Variants in SETBP1 observed in about 807,000 individuals in gnomAD.
The protein encoded by SETBP1 is SET-binding protein.
A neutral mutation model predicts 101.0 loss-of-function variants in SETBP1; 9 were observed. The ratio of observed to expected loss-of-function variants is 0.09; its 90% CI spans 0.05 to 0.16. The LOEUF is 0.16. SETBP1 is among the 10% of genes least tolerant of loss of function. The probability of loss-of-function intolerance (pLI) is 1.00; values close to 1 mark genes in which losing one functional copy is unlikely to be tolerated. For synonymous variants in SETBP1, 818 were observed against 788.5 expected, an observed-to-expected ratio of 1.04 and a Z score of -0.63; for missense variants, 1,858 against 2,033.8, an observed-to-expected ratio of 0.91 and a Z score of 1.66.
intron 2 of SETBP1, among the ~76,000 whole-genome samples, chr18:44,818,813 G>A (rs1205093870): frequency 6.6e-6 from 1 of 151,184 alleles, no homozygotes; most frequent in African/African-American, 2.4e-5. Context: ...ATATTTAGCG[G>A]TTAACCAGTG....
chr18:44,924,021 C>G (rs1406008506), intron 3 of SETBP1, among the ~76,000 whole-genome samples: 3 of 151,864 alleles, frequency 2.0e-5, no homozygotes, highest in Non-Finnish European at 2.9e-5. Context: ...TTTTTTTTTC[C>G]TTCTCTTGCC....
At chr18:44,740,143 A>G (rs951081162) in intron 2 of SETBP1, among the ~76,000 whole-genome samples, 5 of 152,110 alleles carry the variant, frequency 3.3e-5, no homozygotes, top group Admixed American at 6.5e-5. Flanking sequence ...ATTATTCTAG[A>G]GCGGGCATTG....
intron 4 of SETBP1, among the ~76,000 whole-genome samples, chr18:45,011,513 C>T (rs1275273551): frequency 6.6e-6 from 1 of 152,200 alleles, no homozygotes; most frequent in Non-Finnish European, 1.5e-5. Context: ...CAGAGTCTCA[C>T]TAGGAAAAAA....
At chr18:44,699,311 C>T (rs569294399) in intron 1 of SETBP1, among the ~76,000 whole-genome samples, 4 of 152,282 alleles carry the variant, frequency 2.6e-5, no homozygotes, top group South Asian at 2.1e-4. Flanking sequence ...GAAAGACCTA[C>T]TGGATTCTTA....
chr18:44,950,646 G>A lies in SETBP1; in HGVS notation c.1306G>A (p.Ala436Thr). The A allele has an allele frequency of 6.2e-7, 1 of 1,614,144 alleles. No individual in the cohort carries two copies. The change falls in exon 4 of 6, where the codon GCC (alanine) becomes ACC (threonine). Residue 436 changes from alanine (A) to threonine (T), a missense_variant. Physicochemically the swap from Ala to Thr is moderately conservative, Grantham distance 58 (BLOSUM62 0). Around this residue, in one of 12 missense-constraint regions of SETBP1, gnomAD observed 581 missense variants for 535.1 expected, o/e 1.09. Transcript: ENST00000649279. The part of the protein sequence containing the change: ...AVVEKIMPEK[A>T]LASGITMSSE... ...GGTGGAAAAGATCATGCCAGAGAAAGCCTTGGCTTCTGGAATCACCATGAG... is the reference window on the plus strand; with the variant it reads ...GGTGGAAAAGATCATGCCAGAGAAAACCTTGGCTTCTGGAATCACCATGAG...
chr18:44,932,210 A>T (rs2070852743), intron 3 of SETBP1, among the ~76,000 whole-genome samples: 1 of 152,098 alleles, frequency 6.6e-6, no homozygotes, highest in African/African-American at 2.4e-5. Context: ...CTTAGTTTGG[A>T]TGGATATGAA....
chr18:44,987,656 C>T (rs1483068572), intron 4 of SETBP1: 2 of 152,114 alleles, frequency 1.3e-5, no homozygotes, highest in African/African-American at 4.8e-5. Flanking sequence ...TCAGAGGTTT[C>T]TCAGCAATGA....
chr18:44,939,930 C>A lies in SETBP1; in HGVS notation c.541-9951C>A, dbSNP rs539818886. Among the ~76,000 whole-genome samples, 3 of 152,284 alleles carry A rather than the reference C, an allele frequency of 2.0e-5. No homozygotes were observed. The East Asian group carries it at 5.8e-4, about 29-fold the overall frequency. On this transcript the variant is annotated intron_variant, in intron 3 of 5. Transcript: ENST00000649279. ...AAGTTGGTTGATAGTACAGATGAAA[C>A]CTCTGGTGGGTTTTTTCTGATTTTT...
intron 2 of SETBP1, among the ~76,000 whole-genome samples, chr18:44,817,155 G>A (rs182606561): frequency 1.8e-4 from 27 of 152,312 alleles, no homozygotes; most frequent in Admixed American, 9.8e-4. Flanking sequence ...AGGGTAGAAC[G>A]AAGAGCATTT....
intron 2 of SETBP1, among the ~76,000 whole-genome samples, chr18:44,802,892 T>C (rs917920155): frequency 3.9e-5 from 6 of 152,122 alleles, no homozygotes; most frequent in African/African-American, 1.4e-4. Context: ...TTTTTGTTTG[T>C]TTTTTGTTTT....
In SETBP1 at chr18:44,953,158, C is replaced by T. The variant is rs958733748; in HGVS notation, c.3818C>T (p.Thr1273Met). The T allele has an allele frequency of 1.7e-5, 27 of 1,613,874 alleles. No homozygotes were observed. The highest frequency in any genetic ancestry group is 1.9e-5 in the Non-Finnish European group (22 of 1,179,980). The change falls in exon 4 of 6, where the codon ACG becomes ATG. Residue 1273 changes from threonine (T) to methionine (M), a missense_variant. Around this residue, in one of 12 missense-constraint regions of SETBP1, gnomAD observed 417 missense variants for 389.1 expected, o/e 1.07. Coordinates refer to ENST00000649279, the MANE Select transcript of SETBP1 (RefSeq NM_015559.3). ...GGCAGTGGCGGGGATGGTGGCAGCA[C>T]GAGATCAGAGAACCTGGACGTGTTC... Reference protein sequence around the residue: ...YSGSGGDGGSTRSENLDVFSE... With the variant: ...YSGSGGDGGSMRSENLDVFSE...
At position 44,951,627 on chromosome 18, in the gene SETBP1, T is replaced by C; in HGVS notation, c.2287T>C (p.Ser763Pro). The C allele has an allele frequency of 6.2e-7, 1 of 1,614,146 alleles. No individual in the cohort carries two copies. The highest frequency in any genetic ancestry group is 8.5e-7 in the Non-Finnish European group (1 of 1,180,022). ...SSQPDVPAVP[S>P]NFQSLVASSP... ...CCAGCCGGATGTTCCAGCCGTGCCTTCCAACTTTCAGTCACTTGTGGCGTC... is the reference window on the plus strand; with the variant it reads ...CCAGCCGGATGTTCCAGCCGTGCCTCCCAACTTTCAGTCACTTGTGGCGTC... The change falls in exon 4 of 6, where the codon TCC (serine) becomes CCC (proline). Residue 763 changes from serine (S) to proline (P), a missense_variant. By Grantham distance (74) the Ser-to-Pro change is moderately conservative. Around this residue, in one of 12 missense-constraint regions of SETBP1, gnomAD observed 121 missense variants for 138.0 expected, o/e 0.88. Coordinates refer to ENST00000649279, the MANE Select transcript of SETBP1 (RefSeq NM_015559.3). The surrounding 1 kb of genome is among the most constrained non-coding windows in gnomAD (Gnocchi z 7.8).
chr18:44,994,715 G>A (rs528382634), intron 4 of SETBP1, among the ~76,000 whole-genome samples: 1 of 152,204 alleles, frequency 6.6e-6, no homozygotes, highest in African/African-American at 2.4e-5. Context: ...CCAAGAAAAT[G>A]AATGAGTCAC....
chr18:44,946,318 A>C (rs1017954121), intron 3 of SETBP1, among the ~76,000 whole-genome samples: 2 of 152,202 alleles, frequency 1.3e-5, no homozygotes, highest in Admixed American at 6.5e-5. Flanking sequence ...AGCACTAGGG[A>C]CTGGGCATGC....
chr18:44,817,983 A>G (rs2072019972), intron 2 of SETBP1, among the ~76,000 whole-genome samples: 1 of 152,222 alleles, frequency 6.6e-6, no homozygotes, highest in Middle Eastern at 3.2e-3. Flanking sequence ...GTTTTGCTAT[A>G]TAATTGACTT....
At position 45,063,781 on chromosome 18, in the gene SETBP1, C is replaced by A. The variant is rs182854123; in HGVS notation, c.*83C>A. The A allele has an allele frequency of 7.6e-6, 11 of 1,456,214 alleles. No individual in the cohort carries two copies. The highest frequency in any genetic ancestry group is 2.9e-5 in the African/African-American group (2 of 69,836). The allele number at this position is 1,456,214 out of a possible 1,614,324, so 90.2% of individuals were successfully genotyped here. A position where few individuals can be genotyped will look rare whatever the true frequency, so the allele number is the denominator to read the frequency against. Reference sequence around the variant, plus strand: ...GAGCCGGGGCGGGGGCGGAATCCCCCGCTGCAGGGACACCCACGCCCTTCT... The same window carrying A: ...GAGCCGGGGCGGGGGCGGAATCCCCAGCTGCAGGGACACCCACGCCCTTCT... On this transcript the variant is annotated 3_prime_UTR_variant, in exon 6 of 6. Coordinates refer to ENST00000649279, the MANE Select transcript of SETBP1 (RefSeq NM_015559.3).
intron 4 of SETBP1, among the ~76,000 whole-genome samples, chr18:44,991,447 T>C (rs956610192): frequency 2.6e-5 from 4 of 151,652 alleles, no homozygotes; most frequent in Non-Finnish European, 4.4e-5. Context: ...GGTATGAAAA[T>C]AGATAAATAG....
intron 3 of SETBP1, among the ~76,000 whole-genome samples, chr18:44,935,022 A>G (rs1031644073): frequency 6.6e-6 from 1 of 152,200 alleles, no homozygotes; most frequent in Non-Finnish European, 1.5e-5. Flanking sequence ...ATGGGAAGCC[A>G]TCAGGACATG....
chr18:44,908,499 G>A (rs371380667), intron 3 of SETBP1, among the ~76,000 whole-genome samples: 1 of 152,062 alleles, frequency 6.6e-6, no homozygotes, highest in Non-Finnish European at 1.5e-5. Context: ...AAGTCAATGA[G>A]CAATAAGTAT....
Sources: allele counts gnomAD v4.1 joint callset (sites outside exome capture counted in the v4.1 genomes callset), GRCh38; gene constraint gnomAD v4.1.1; regional missense constraint gnomAD v4.1.1; non-coding constraint Gnocchi (gnomAD v3.1); transcripts MANE v1.5; gene names NCBI Gene and HGNC (gene_info 2026-07-23, HGNC 2026-07-21).